Variants in RYR3 observed in about 807,000 individuals in gnomAD.
The protein encoded by RYR3 is ryanodine receptor 3.
Under a neutral mutation model 584.3 loss-of-function variants are expected in RYR3, and 207 were observed. The observed-to-expected ratio is 0.35, with a 90% CI of 0.32 to 0.40. The LOEUF (loss-of-function observed/expected upper bound fraction) is 0.40. Ranked by LOEUF, RYR3 falls within the 10% of genes least tolerant of loss-of-function variation. RYR3 has a pLI of 1.00. For missense variants in RYR3, 5,616 were observed against 6,089.2 expected, an observed-to-expected ratio of 0.92 and a Z score of 2.59; for synonymous variants, 2,416 against 2,248.5, an observed-to-expected ratio of 1.07 and a Z score of -2.11.
rs939833450 is a variant in RYR3, at chr15:33,380,085, C to G, written c.51+68989C>G. 3.3e-5 allele frequency among the ~76,000 whole-genome samples: 5 copies of G among 152,156 alleles called. No individual in the cohort carries two copies. In the East Asian group the frequency reaches 9.6e-4, roughly 29 times the overall value. ...GATGCCCACCCACATTGAGAGTGGT[C>G]TTCCTCTCCCAGTTCACTGACTCAA... is the stretch of plus-strand genomic sequence containing the variant. On this transcript the variant is annotated intron_variant, in intron 1 of 103. Transcript: ENST00000634891.
intron 41 of RYR3, 97 bp from the exon 42 acceptor site, chr15:33,700,880 C>A (rs576367710): frequency 9.2e-4 from 713 of 771,244 alleles, no homozygotes; most frequent in Non-Finnish European, 1.3e-3. Flanking sequence ...AGTGTGTTTG[C>A]TGCCCTCTCC....
intron 60 of RYR3, among the ~76,000 whole-genome samples, chr15:33,763,892 C>CAAAAAAAAAAAAA (rs796878162): frequency 4.4e-4 from 20 of 45,868 alleles, no homozygotes; most frequent in African/African-American, 9.9e-4. Flanking sequence ...GACTTCATCT[C>CAAAAAAAAAAAAA]AAAAAAAAAA....
intron 2 of RYR3, among the ~76,000 whole-genome samples, chr15:33,488,715 G>A (rs1258873555): frequency 6.6e-6 from 1 of 152,080 alleles, no homozygotes; most frequent in African/African-American, 2.4e-5. Context: ...AGCCAGGCAT[G>A]GTGACACGTG....
intron 2 of RYR3, among the ~76,000 whole-genome samples, chr15:33,479,999 C>A (rs1487163337): frequency 2.0e-5 from 3 of 152,134 alleles, no homozygotes; most frequent in African/African-American, 7.2e-5. Flanking sequence ...AAGTAAGTTT[C>A]TAAAGGGATC....
At chr15:33,583,859 C>G (rs575166499) in intron 14 of RYR3, among the ~76,000 whole-genome samples, 1 of 152,140 alleles carries the variant, frequency 6.6e-6, no homozygotes, top group South Asian at 2.1e-4. Flanking sequence ...CGAGACCAGC[C>G]TGGCCAACAT....
chr15:33,544,120 G>T (rs1162586913), intron 8 of RYR3, among the ~76,000 whole-genome samples: 3 of 152,142 alleles, frequency 2.0e-5, no homozygotes, highest in Non-Finnish European at 4.4e-5. Flanking sequence ...GATTTAGCAG[G>T]GGGTAGTGCC....
chr15:33,799,003 T>C (rs2152928510), intron 67 of RYR3, among the ~76,000 whole-genome samples: 1 of 152,322 alleles, frequency 6.6e-6, no homozygotes, highest in Non-Finnish European at 1.5e-5. Context: ...GCTGTTACCC[T>C]ACATGAGGCA....
At chr15:33,507,871 G>C (rs772314236) in intron 3 of RYR3, among the ~76,000 whole-genome samples, 4 of 152,094 alleles carry the variant, frequency 2.6e-5, no homozygotes, top group Non-Finnish European at 4.4e-5. Flanking sequence ...AATTAAATGA[G>C]ATCAGTGCCT....
intron 18 of RYR3, among the ~76,000 whole-genome samples, chr15:33,611,737 C>T (rs770554144): frequency 6.6e-6 from 1 of 152,106 alleles, no homozygotes. Context: ...CAGCTCACCT[C>T]AGCCTCCACC....
At chr15:33,632,261 TCATATTCCCACATGGCCATG>T (rs1243322317) in intron 23 of RYR3, among the ~76,000 whole-genome samples, 1 of 152,216 alleles carries the variant, frequency 6.6e-6, no homozygotes, top group African/African-American at 2.4e-5. Context: ...ACCTTTAAAC[TCATATTCCCACATGGCCATG>T]ACAATCTGCT....
chr15:33,855,030 T>C lies in RYR3; in HGVS notation c.14007+118T>C, dbSNP rs115955224. ...TATGTCTTGGTATATAATGTACTTT[T>C]CTTGGCCAAACACTTCAACTAATGG... is the stretch of plus-strand genomic sequence containing the variant. On this transcript the variant is annotated intron_variant, in intron 98 of 103. Coordinates refer to ENST00000634891, the MANE Select transcript of RYR3 (RefSeq NM_001036.6). 3.4e-4 allele frequency: 366 copies of C among 1,085,962 alleles called. 1 individual carries two copies. The African/African-American group carries it at 5.2e-3, about 15-fold the overall frequency. 67.3% of individuals were successfully genotyped at this position (1,085,962 alleles called of 1,614,324 possible).
chr15:33,780,145 G>C, intron 64 of RYR3, 66 bp from the exon 65 acceptor site: 1 of 1,581,982 alleles, frequency 6.3e-7, no homozygotes, highest in Non-Finnish European at 8.6e-7. Flanking sequence ...GGGAAGGCCT[G>C]ATCTGCCAAT....
At chr15:33,539,541 C>A in intron 6 of RYR3, 79 bp downstream of exon 6, 2 of 825,152 alleles carry the variant, frequency 2.4e-6, no homozygotes, top group Non-Finnish European at 4.1e-6. Flanking sequence ...AGAACTGAGC[C>A]ACAGCAGGTT....
intron 67 of RYR3, among the ~76,000 whole-genome samples, chr15:33,791,933 T>G (rs1218390612): frequency 6.6e-6 from 1 of 151,900 alleles, no homozygotes; most frequent in African/African-American, 2.4e-5. Context: ...GACAGAGAAG[T>G]GAAATGCATG....
chr15:33,660,732 G>T (rs1413095777), intron 34 of RYR3, among the ~76,000 whole-genome samples: 1 of 152,162 alleles, frequency 6.6e-6, no homozygotes, highest in Non-Finnish European at 1.5e-5. Context: ...GACAGGAAGG[G>T]GAAGACTCTA....
Position 33,670,476 on chromosome 15 carries a change from T to C in RYR3, c.5780T>C (p.Leu1927Pro). ...GAGGACACCTCCTGGACAGGAAAAC[T>C]CTGTGCCTTGGTTTACAAAATCAAA... ...EEEDTSWTGK[L>P]CALVYKIKGP... is the part of the protein sequence containing the mutation. Residue 1927 changes from leucine (L) to proline (P), a missense_variant, in exon 38 of 104, where the codon CTC becomes CCC. Physicochemically the swap from Leu to Pro is moderately conservative, Grantham distance 98. This residue lies in a region of RYR3 where 1,280 missense variants were observed against 1,426.2 expected (regional missense o/e 0.90). Coordinates refer to ENST00000634891, the MANE Select transcript of RYR3 (RefSeq NM_001036.6). 6.2e-7 allele frequency: 1 copy of C among 1,611,604 alleles called. No individual in the cohort carries two copies. The highest frequency in any genetic ancestry group is 8.5e-7 in the Non-Finnish European group (1 of 1,179,196).
chr15:33,738,975 A>T (rs1278188252), intron 50 of RYR3, among the ~76,000 whole-genome samples: 1 of 152,166 alleles, frequency 6.6e-6, no homozygotes, highest in Non-Finnish European at 1.5e-5. Context: ...AAAAGTCCTG[A>T]CATCTGCTGT....
intron 16 of RYR3, among the ~76,000 whole-genome samples, chr15:33,601,176 G>A (rs988354056): frequency 6.6e-6 from 1 of 152,124 alleles, no homozygotes; most frequent in Non-Finnish European, 1.5e-5. Context: ...GGAGGGAAGG[G>A]GCATAAGACT....
chr15:33,861,309 C>T, intron 102 of RYR3, 131 bp downstream of exon 102: 3 of 604,120 alleles, frequency 5.0e-6, no homozygotes. Context: ...TGAGCCTGTA[C>T]CTTTGTCCAT....
Sources: gnomAD v4.1 joint callset for allele counts (sites outside exome capture counted in the v4.1 genomes callset) on GRCh38, gnomAD v4.1.1 for gene constraint, gnomAD v4.1.1 regional missense constraint, MANE v1.5 for transcripts, NCBI Gene and HGNC (gene_info 2026-07-23, HGNC 2026-07-21) for gene names.